LAMA3: variants seen among roughly 807,000 people sequenced by gnomAD.
The protein encoded by LAMA3 is laminin subunit alpha-3.
LAMA3 carries 281 observed loss-of-function variants against 402.0 expected under a neutral mutation model. The observed-to-expected ratio is 0.70, with a 90% CI of 0.63 to 0.77. LAMA3 has a LOEUF of 0.77. Among genes scored for constraint, LAMA3 ranks in the 30% least tolerant of loss-of-function variants. The probability of loss-of-function intolerance (pLI) is 0.00; values close to 1 mark genes in which losing one functional copy is unlikely to be tolerated. For missense variants in LAMA3, 3,840 were observed against 4,215.5 expected, an observed-to-expected ratio of 0.91 and a Z score of 2.47; for synonymous variants, 1,431 against 1,558.4, an observed-to-expected ratio of 0.92 and a Z score of 1.93.
chr18:23,949,609 A>T (rs1399686912), intron 70 of LAMA3, among the ~76,000 whole-genome samples, 156 bp from the exon 71 acceptor site: 1 of 152,174 alleles, frequency 6.6e-6, no homozygotes, highest in East Asian at 1.9e-4. Context: ...CAGCTATTAG[A>T]ACCTGAGTTT....
chr18:23,838,901 C>A lies in LAMA3; in HGVS notation c.3191+23C>A. The A allele has an allele frequency of 2.9e-6, 4 of 1,383,168 alleles. No homozygotes were observed. The South Asian group carries it at 4.6e-5, about 16-fold the overall frequency. The allele number at this position is 1,383,168 out of a possible 1,614,324, so 85.7% of individuals were successfully genotyped here. ...AAGGTAATGTGTTTCCTTCCTGTCT[C>A]CCCGTTCATGTTCTGAGTGATACTG... On this transcript the variant is annotated intron_variant, in intron 26 of 74. Coordinates refer to ENST00000313654, the MANE Select transcript of LAMA3 (RefSeq NM_198129.4).
chr18:23,800,295 C>A (rs2062843765), intron 12 of LAMA3, among the ~76,000 whole-genome samples: 1 of 152,218 alleles, frequency 6.6e-6, no homozygotes, highest in Non-Finnish European at 1.5e-5. Context: ...GATGTTCGAG[C>A]TTCCCCTTGA....
At chr18:23,942,555 C>T (rs2145493808) in intron 68 of LAMA3, among the ~76,000 whole-genome samples, 1 of 149,576 alleles carries the variant, frequency 6.7e-6, no homozygotes, top group African/African-American at 2.5e-5. Context: ...AACCATCATG[C>T]AAATGAATAC....
Position 23,950,075 on chromosome 18 carries a change from C to T in LAMA3, c.9558C>T (p.Ile3186=). The part of the protein sequence containing the change: ...LGPEFKLVFS[I]RPRSLTGILI... ...CAGAATTTAAGCTTGTTTTCAGCAT[C>T]CGCCCAAGAAGTCTCACTGGGATCC... Residue 3186 remains isoleucine (I), a synonymous_variant, in exon 72 of 75, where the codon ATC becomes ATT. Transcript: ENST00000313654. The T allele has an allele frequency of 6.2e-7, 1 of 1,614,142 alleles. No homozygotes were observed. The highest frequency in any genetic ancestry group is 8.5e-7 in the Non-Finnish European group (1 of 1,180,020).
intron 2 of LAMA3, among the ~76,000 whole-genome samples, chr18:23,740,816 G>A (rs1036187109): frequency 6.6e-6 from 1 of 152,184 alleles, no homozygotes; most frequent in Non-Finnish European, 1.5e-5. Flanking sequence ...GCTAGTGTGG[G>A]AGGGGACTTA....
At chr18:23,754,573 A>G (rs780055134) in intron 6 of LAMA3, among the ~76,000 whole-genome samples, 12 of 152,332 alleles carry the variant, frequency 7.9e-5, no homozygotes, top group Non-Finnish European at 1.6e-4. Context: ...CTGTTTATCC[A>G]TTCATTCGTG....
intron 32 of LAMA3, among the ~76,000 whole-genome samples, chr18:23,855,338 C>T (rs1048208120): frequency 2.8e-4 from 42 of 152,356 alleles, no homozygotes; most frequent in African/African-American, 9.9e-4. Context: ...CAGCCTACGT[C>T]GGGCCATCTC....
chr18:23,745,403 G>A (rs2061636503), intron 2 of LAMA3, among the ~76,000 whole-genome samples: 1 of 152,152 alleles, frequency 6.6e-6, no homozygotes, highest in Non-Finnish European at 1.5e-5. Flanking sequence ...ATTAACACTT[G>A]AGATATATCA....
intron 14 of LAMA3, among the ~76,000 whole-genome samples, chr18:23,813,524 A>ATT (rs1173126811): frequency 8.0e-6 from 1 of 125,620 alleles, no homozygotes; most frequent in Admixed American, 7.8e-5. Context: ...TATTCTGAAC[A>ATT]TTTTTTTTCT....
chr18:23,885,057 A>G (rs1312131174), intron 41 of LAMA3, among the ~76,000 whole-genome samples: 1 of 151,988 alleles, frequency 6.6e-6, no homozygotes, highest in African/African-American at 2.4e-5. Context: ...GTTTCAGAAA[A>G]CTGAGAATGA....
intron 36 of LAMA3, among the ~76,000 whole-genome samples, chr18:23,866,728 G>A (rs1423621389): frequency 6.6e-6 from 1 of 152,148 alleles, no homozygotes; most frequent in Non-Finnish European, 1.5e-5. Context: ...TTCAAACATG[G>A]AAAATAATTT....
At position 23,822,365 on chromosome 18, in the gene LAMA3, T is replaced by C; in HGVS notation, c.2418T>C (p.Tyr806=). ...CAGTATCTGGCCATATAACTATTTA[T>C]CCATCCTGGGGTAAGGCACGTAGGT... ...TEAVSGHITI[Y]PSWGAAQSKE... The change falls in exon 20 of 75, where the codon TAT becomes TAC. Residue 806 remains tyrosine (Y), a synonymous_variant. Transcript: ENST00000313654. 6.2e-7 allele frequency: 1 copy of C among 1,613,852 alleles called. No homozygotes were observed. Among genetic ancestry groups the C allele is most frequent in the Non-Finnish European group, 8.5e-7 (1 of 1,179,736 alleles).
intron 21 of LAMA3, among the ~76,000 whole-genome samples, chr18:23,825,341 A>C (rs2063360792): frequency 6.6e-6 from 1 of 152,212 alleles, no homozygotes; most frequent in African/African-American, 2.4e-5. Context: ...TCTTTTCAAA[A>C]TAGAGTCCTT....
intron 62 of LAMA3, among the ~76,000 whole-genome samples, chr18:23,923,862 G>T (rs2081924090): frequency 6.6e-6 from 1 of 152,160 alleles, no homozygotes; most frequent in African/African-American, 2.4e-5. Context: ...AGGTTTTCTA[G>T]AAAAGAGCAG....
At chr18:23,854,253 T>C (rs986507152) in intron 32 of LAMA3, among the ~76,000 whole-genome samples, 3 of 152,382 alleles carry the variant, frequency 2.0e-5, no homozygotes, top group Admixed American at 6.5e-5. Flanking sequence ...AGGCCAGTCA[T>C]GATTTTGCTT....
At chr18:23,865,141 C>T (rs1379354051) in intron 36 of LAMA3, among the ~76,000 whole-genome samples, 2 of 152,186 alleles carry the variant, frequency 1.3e-5, no homozygotes, top group African/African-American at 4.8e-5. Context: ...GTTACTGCCT[C>T]ATGTTAAACT....
At chr18:23,836,170 A>G (rs557964245) in intron 24 of LAMA3, among the ~76,000 whole-genome samples, 7 of 151,986 alleles carry the variant, frequency 4.6e-5, no homozygotes, top group Non-Finnish European at 7.4e-5. Context: ...AAAGAAAACA[A>G]CAGTTTATTA....
intron 32 of LAMA3, among the ~76,000 whole-genome samples, chr18:23,849,157 TC>T (rs1448382643): frequency 6.6e-6 from 1 of 152,226 alleles, no homozygotes; most frequent in African/African-American, 2.4e-5. Context: ...CTTGGACAGA[TC>T]TTTTGTGGGG....
rs1028348750 is a variant in LAMA3 at position 23,773,346 on chromosome 18, G to C, written c.1183-151G>C. 77 of 701,334 alleles carry C rather than the reference G, an allele frequency of 1.1e-4. No homozygotes were observed. The East Asian group carries it at 2.1e-3, about 19-fold the overall frequency. 43.4% of individuals were successfully genotyped at this position (701,334 alleles called of 1,614,324 possible). On this transcript the variant is annotated intron_variant, in intron 8 of 74. Coordinates refer to ENST00000313654, the MANE Select transcript of LAMA3 (RefSeq NM_198129.4). The stretch of plus-strand genomic sequence containing the variant: ...AATCCTATGGTAAATTTTGGTCAAG[G>C]TCAAGATTAATGCTTTTTTAAATTA...
Sources: gnomAD v4.1 joint callset for allele counts (sites outside exome capture counted in the v4.1 genomes callset) on GRCh38, gnomAD v4.1.1 for gene constraint, MANE v1.5 for transcripts, NCBI Gene and HGNC (gene_info 2026-07-23, HGNC 2026-07-21) for gene names.